ROBO1: variants seen among roughly 807,000 people sequenced by gnomAD.
ROBO1 encodes the protein roundabout guidance receptor 1, also known as roundabout homolog 1.
A neutral mutation model predicts 195.9 loss-of-function variants in ROBO1; 149 were observed. The ratio of observed to expected loss-of-function variants is 0.76; its 90% CI spans 0.67 to 0.87. ROBO1 has a LOEUF of 0.87. Among genes scored for constraint, ROBO1 ranks in the 40% least tolerant of loss-of-function variants. The pLI, the probability that ROBO1 is intolerant of heterozygous loss-of-function variation, is 0.00. For synonymous variants in ROBO1, 816 were observed against 733.2 expected, an observed-to-expected ratio of 1.11 and a Z score of -1.82; for missense variants, 1,933 against 2,068.3, an observed-to-expected ratio of 0.93 and a Z score of 1.27.
chr3:79,512,594 T>G (rs1374415485), intron 2 of ROBO1, among the ~76,000 whole-genome samples: 1 of 152,098 alleles, frequency 6.6e-6, no homozygotes, highest in Non-Finnish European at 1.5e-5. Flanking sequence ...ACCAGACATA[T>G]CCTAGAGATA....
chr3:78,924,452 C>G (rs2039103830), intron 4 of ROBO1, among the ~76,000 whole-genome samples: 1 of 151,988 alleles, frequency 6.6e-6, no homozygotes, highest in Non-Finnish European at 1.5e-5. Flanking sequence ...TATTTTCCCC[C>G]TCTGAAATTT....
intron 2 of ROBO1, among the ~76,000 whole-genome samples, chr3:79,470,183 G>A (rs1277147202): frequency 6.6e-6 from 1 of 152,078 alleles, no homozygotes; most frequent in African/African-American, 2.4e-5. Context: ...ATTATAGACT[G>A]GATTAAGAAA....
chr3:78,726,891 TAAC>T (rs200244955), intron 5 of ROBO1, among the ~76,000 whole-genome samples: 2,257 of 152,098 alleles, frequency 0.015, 21 homozygotes, highest in Middle Eastern at 0.048. Flanking sequence ...ATCAAATTAG[TAAC>T]AACAACAACA....
intron 29 of ROBO1, among the ~76,000 whole-genome samples, chr3:78,603,287 T>C (rs1232456881): frequency 6.6e-6 from 1 of 152,156 alleles, no homozygotes; most frequent in Non-Finnish European, 1.5e-5. Flanking sequence ...CTTCGGGCTT[T>C]TTATGCAGAT....
At chr3:79,255,971 A>G (rs1174202486) in intron 2 of ROBO1, among the ~76,000 whole-genome samples, 3 of 152,196 alleles carry the variant, frequency 2.0e-5, no homozygotes, top group African/African-American at 7.2e-5. Context: ...TTCAGGATTT[A>G]GAATGCATAA....
At chr3:78,744,239 G>A (rs1252585629) in intron 5 of ROBO1, among the ~76,000 whole-genome samples, 5 of 152,136 alleles carry the variant, frequency 3.3e-5, no homozygotes, top group Admixed American at 6.6e-5. Flanking sequence ...AACACATCCA[G>A]TCTGTTAGCA....
chr3:78,644,504 C>T (rs1456333837), intron 21 of ROBO1, among the ~76,000 whole-genome samples: 1 of 152,106 alleles, frequency 6.6e-6, no homozygotes, highest in Non-Finnish European at 1.5e-5. Flanking sequence ...TCCGTAACAT[C>T]CCAACATCGT....
intron 2 of ROBO1, among the ~76,000 whole-genome samples, chr3:79,418,879 G>A (rs557965857): frequency 6.6e-6 from 1 of 152,238 alleles, no homozygotes; most frequent in East Asian, 1.9e-4. Flanking sequence ...AGGGCTTGGG[G>A]GATGTATTAG....
At chr3:78,690,594 C>G (rs968599080) in intron 8 of ROBO1, among the ~76,000 whole-genome samples, 15 of 152,002 alleles carry the variant, frequency 9.9e-5, no homozygotes, top group Non-Finnish European at 1.6e-4. Context: ...CAGGAGCATT[C>G]TATTCCTTAA....
intron 1 of ROBO1, among the ~76,000 whole-genome samples, chr3:79,635,144 T>C (rs1298445726): frequency 1.3e-5 from 2 of 152,202 alleles, no homozygotes; most frequent in African/African-American, 4.8e-5. Flanking sequence ...AGGCCACATT[T>C]TCCTATCACT....
At chr3:79,244,293 C>T (rs1007737913) in intron 2 of ROBO1, among the ~76,000 whole-genome samples, 1 of 152,026 alleles carries the variant, frequency 6.6e-6, no homozygotes, top group African/African-American at 2.4e-5. Context: ...CATATATTGC[C>T]CATATAGGCA....
At chr3:79,598,885 A>G (rs1390652566) in intron 1 of ROBO1, among the ~76,000 whole-genome samples, 1 of 152,082 alleles carries the variant, frequency 6.6e-6, no homozygotes, top group Non-Finnish European at 1.5e-5. Context: ...CACTGCCTGC[A>G]ACATCCTAGC....
chr3:78,915,587 ATACT>A (rs1260391466), intron 4 of ROBO1, among the ~76,000 whole-genome samples: 2 of 152,150 alleles, frequency 1.3e-5, no homozygotes, highest in African/African-American at 2.4e-5. Flanking sequence ...ATCTTGTATA[ATACT>A]TACTGAGACA....
At chr3:79,741,122 C>T (rs1000760302) in intron 1 of ROBO1, among the ~76,000 whole-genome samples, 1 of 152,150 alleles carries the variant, frequency 6.6e-6, no homozygotes, top group Non-Finnish European at 1.5e-5. Flanking sequence ...TAGGGGCTTG[C>T]TCTGTTACCG....
At chr3:79,217,736 ATTTTT>A (rs1343210422) in intron 2 of ROBO1, among the ~76,000 whole-genome samples, 1 of 151,910 alleles carries the variant, frequency 6.6e-6, no homozygotes, top group Non-Finnish European at 1.5e-5. Flanking sequence ...AGGGTATCTT[ATTTTT>A]ATTTCTTCTG....
At chr3:78,799,479 C>T (rs1353636570) in intron 4 of ROBO1, among the ~76,000 whole-genome samples, 1 of 151,952 alleles carries the variant, frequency 6.6e-6, no homozygotes, top group African/African-American at 2.4e-5. Flanking sequence ...GTAGCTGGGA[C>T]TACAGGCGCC....
At chr3:79,124,133 AT>A (rs2080171052) in intron 3 of ROBO1, among the ~76,000 whole-genome samples, 2 of 152,076 alleles carry the variant, frequency 1.3e-5, no homozygotes, top group African/African-American at 4.8e-5. Flanking sequence ...TATTGACGGT[AT>A]TAAGGGATAA....
At chr3:79,026,257 C>T (rs542664697) in intron 3 of ROBO1, among the ~76,000 whole-genome samples, 114 of 152,022 alleles carry the variant, frequency 7.5e-4, no homozygotes, top group African/African-American at 2.5e-3. Flanking sequence ...AAATATTATT[C>T]GGTCAATTAT....
chr3:79,740,399 A>T (rs1018748229), intron 1 of ROBO1, among the ~76,000 whole-genome samples: 2 of 151,952 alleles, frequency 1.3e-5, no homozygotes, highest in Non-Finnish European at 2.9e-5. Flanking sequence ...TTTTTACTGG[A>T]AAACTGTATT....
Sources: gnomAD v4.1 joint callset for allele counts (sites outside exome capture counted in the v4.1 genomes callset) on GRCh38, gnomAD v4.1.1 for gene constraint, MANE v1.5 for transcripts, NCBI Gene and HGNC (gene_info 2026-07-23, HGNC 2026-07-21) for gene names.